ASXL2: variants seen among roughly 807,000 people sequenced by gnomAD.
The protein encoded by ASXL2 is putative Polycomb group protein ASXL2.
In ASXL2, 23 loss-of-function variants were observed where a neutral mutation model predicts 122.0. That is an observed-to-expected ratio of 0.19 (90% CI 0.14 to 0.27). The LOEUF (loss-of-function observed/expected upper bound fraction) is 0.27, where lower values mean the gene tolerates loss of function less well. Among genes scored for constraint, ASXL2 ranks in the 10% least tolerant of loss-of-function variants. ASXL2 has a pLI of 1.00. For synonymous variants in ASXL2, 650 were observed against 637.0 expected (o/e 1.02, Z -0.31); for missense variants, 1,518 against 1,713.8 (o/e 0.89, Z 2.02).
chr2:25,847,617 C>A (rs907213891), intron 1 of ASXL2, among the ~76,000 whole-genome samples: 1 of 152,140 alleles, frequency 6.6e-6, no homozygotes, highest in Non-Finnish European at 1.5e-5. Context: ...CAGAAAACTT[C>A]TATTTATTTA....
chr2:25,793,583 C>T (rs751763163), intron 5 of ASXL2, among the ~76,000 whole-genome samples: 8 of 152,126 alleles, frequency 5.3e-5, no homozygotes, highest in Non-Finnish European at 7.4e-5. Flanking sequence ...GGATTGGTAA[C>T]AAAATTGAAA....
Position 25,768,828 on chromosome 2 carries a change from C to A in ASXL2, c.545G>T (p.Cys182Phe). 6.2e-7 allele frequency: 1 copy of A among 1,613,756 alleles called. No homozygotes were observed. Among genetic ancestry groups the A allele is most frequent in the Non-Finnish European group, 8.5e-7 (1 of 1,179,740 alleles). Reference sequence around the variant, plus strand: ...GGAGGAGATGGATATGCTTGGCCTGCATTGCTGCTGCTGCTTCTTCTGCTG... The same window carrying A: ...GGAGGAGATGGATATGCTTGGCCTGAATTGCTGCTGCTGCTTCTTCTGCTG... ...QQQQKKQQQQ[C>F]RPSISISSNQ... Residue 182 changes from cysteine to phenylalanine, a missense_variant, in exon 7 of 13, where the codon TGC (cysteine) becomes TTC (phenylalanine). Coordinates refer to ENST00000435504, the MANE Select transcript of ASXL2 (RefSeq NM_018263.6).
intron 1 of ASXL2, among the ~76,000 whole-genome samples, chr2:25,864,245 C>T (rs72801885): frequency 0.04 from 6,108 of 152,124 alleles, 203 homozygotes; most frequent in African/African-American, 0.072. Flanking sequence ...CCAGGCGATA[C>T]GCCTTCAATT....
chr2:25,772,836 T>C (rs1218487754), intron 5 of ASXL2, among the ~76,000 whole-genome samples: 4 of 150,784 alleles, frequency 2.7e-5, no homozygotes, highest in African/African-American at 7.3e-5. Flanking sequence ...TTTTGGACTA[T>C]AGTATTTCAA....
intron 2 of ASXL2, among the ~76,000 whole-genome samples, chr2:25,843,301 C>CAAAAAAAA (rs35388163): frequency 1.1e-5 from 1 of 93,028 alleles, no homozygotes; most frequent in Non-Finnish European, 2.1e-5. Flanking sequence ...GACTTCGTCT[C>CAAAAAAAA]AAAAAAAAAA....
At chr2:25,830,226 T>C (rs1253235635) in intron 3 of ASXL2, among the ~76,000 whole-genome samples, 1 of 152,162 alleles carries the variant, frequency 6.6e-6, no homozygotes, top group Non-Finnish European at 1.5e-5. Context: ...AGACTGGACA[T>C]CCCCTAACAT....
chr2:25,798,360 T>G (rs986398241), intron 5 of ASXL2, among the ~76,000 whole-genome samples: 1 of 152,044 alleles, frequency 6.6e-6, no homozygotes, highest in Non-Finnish European at 1.5e-5. Flanking sequence ...TATCAACCCA[T>G]GAAGACACAG....
At chr2:25,857,390 T>C (rs546045848) in intron 1 of ASXL2, among the ~76,000 whole-genome samples, 3 of 152,236 alleles carry the variant, frequency 2.0e-5, no homozygotes, top group Admixed American at 6.5e-5. Context: ...ATTGTACCTA[T>C]ATGTACCCAT....
At chr2:25,795,531 C>A (rs973852093) in intron 5 of ASXL2, among the ~76,000 whole-genome samples, 1 of 152,124 alleles carries the variant, frequency 6.6e-6, no homozygotes, top group African/African-American at 2.4e-5. Context: ...AACACAGATA[C>A]AACAGCCACT....
chr2:25,855,311 G>A (rs1158112706), intron 1 of ASXL2, among the ~76,000 whole-genome samples: 4 of 152,258 alleles, frequency 2.6e-5, no homozygotes, highest in Admixed American at 2.0e-4. Context: ...TTGGGAGGCC[G>A]AGGTGGGTGG....
chr2:25,751,413 C>T (rs565953890), intron 11 of ASXL2, among the ~76,000 whole-genome samples: 2 of 152,100 alleles, frequency 1.3e-5, no homozygotes, highest in South Asian at 4.1e-4. Context: ...GTGGGCAGAT[C>T]GCTTGAGCAC....
In ASXL2 at chr2:25,806,347, AAAG is replaced by A. The variant is rs758628883; in HGVS notation, c.144-13_144-11del. 6.9e-6 allele frequency: 11 copies of A among 1,583,662 alleles called. No individual in the cohort carries two copies. In the Admixed American group the frequency reaches 1.4e-4, roughly 20 times the overall value. ...AAGAGGAGAAGTCCCACTGCAAAAC[AAAG>A]AAGAGATGTGATAAGGAACACAACA... is the stretch of plus-strand genomic sequence containing the variant. On this transcript the variant is annotated splice_polypyrimidine_tract_variant and intron_variant, in intron 3 of 12. Coordinates refer to ENST00000435504, the MANE Select transcript of ASXL2 (RefSeq NM_018263.6).
At chr2:25,806,730 C>T (rs2089088511) in intron 3 of ASXL2, among the ~76,000 whole-genome samples, 1 of 152,166 alleles carries the variant, frequency 6.6e-6, no homozygotes, top group Admixed American at 6.5e-5. Context: ...TATACTGCTG[C>T]ACCAGACTGA....
At chr2:25,798,716 A>T (rs2088948101) in intron 5 of ASXL2, among the ~76,000 whole-genome samples, 1 of 152,186 alleles carries the variant, frequency 6.6e-6, no homozygotes, top group Admixed American at 6.5e-5. Context: ...ATGAGCTGAG[A>T]TCACGCCATT....
At chr2:25,816,380 T>C (rs1426382370) in intron 3 of ASXL2, among the ~76,000 whole-genome samples, 5 of 152,384 alleles carry the variant, frequency 3.3e-5, no homozygotes, top group South Asian at 4.1e-4. Context: ...TCGTGTGACC[T>C]TGCAGTACGT....
At chr2:25,797,256 C>T (rs2088923650) in intron 5 of ASXL2, among the ~76,000 whole-genome samples, 1 of 151,836 alleles carries the variant, frequency 6.6e-6, no homozygotes, top group African/African-American at 2.4e-5. Flanking sequence ...ACCAGCCTGG[C>T]CAACATGGTG....
At chr2:25,811,099 CAA>C (rs1553701386) in intron 3 of ASXL2, among the ~76,000 whole-genome samples, 5 of 144,524 alleles carry the variant, frequency 3.5e-5, no homozygotes, top group East Asian at 2.4e-4. Flanking sequence ...CACACACACA[CAA>C]AATCAGCCAT....
At chr2:25,811,767 T>A (rs1385604308) in intron 3 of ASXL2, among the ~76,000 whole-genome samples, 2 of 152,170 alleles carry the variant, frequency 1.3e-5, no homozygotes, top group Non-Finnish European at 2.9e-5. Flanking sequence ...TTTATATTTT[T>A]TTGAGATGGA....
intron 4 of ASXL2, among the ~76,000 whole-genome samples, chr2:25,803,441 C>T (rs745343659): frequency 9.2e-5 from 14 of 152,258 alleles, no homozygotes; most frequent in Non-Finnish European, 1.3e-4. Flanking sequence ...CTGGGACTTG[C>T]GACAGTTGGC....
Sources: gnomAD v4.1 joint callset for allele counts (sites outside exome capture counted in the v4.1 genomes callset) on GRCh38, gnomAD v4.1.1 for gene constraint, MANE v1.5 for transcripts, NCBI Gene and HGNC (gene_info 2026-07-23, HGNC 2026-07-21) for gene names.